SRCIN1: variants seen among roughly 807,000 people sequenced by gnomAD.
SRCIN1 encodes the protein P130Cas-associated protein.
A neutral mutation model predicts 116.2 loss-of-function variants in SRCIN1; 50 were observed. The ratio of observed to expected loss-of-function variants is 0.43; its 90% CI spans 0.34 to 0.54. SRCIN1 has a LOEUF of 0.54. Ranked by LOEUF, SRCIN1 falls within the 20% of genes least tolerant of loss-of-function variation. The pLI is 0.02. For missense variants in SRCIN1, 1,446 were observed against 1,672.0 expected (o/e 0.86, Z 2.36); for synonymous variants, 736 against 750.0 (o/e 0.98, Z 0.30).
At chr17:38,534,372 G>A (rs1485105364) in intron 18 of SRCIN1, among the ~76,000 whole-genome samples, 1 of 152,186 alleles carries the variant, frequency 6.6e-6, no homozygotes, top group Non-Finnish European at 1.5e-5. Context: ...TTTTAAGCAG[G>A]TGCCCCAGGT....
chr17:38,579,129 T>C (rs1474863277), intron 1 of SRCIN1, among the ~76,000 whole-genome samples: 1 of 152,206 alleles, frequency 6.6e-6, no homozygotes, highest in Admixed American at 6.5e-5. Context: ...GAAGGTATCC[T>C]GAGACCCTCT....
chr17:38,568,345 C>A lies in SRCIN1; in HGVS notation c.325-114G>T. On this transcript the variant is annotated intron_variant, in intron 2 of 18. Transcript: ENST00000617146. The surrounding 1 kb of genome is among the most constrained non-coding windows in gnomAD (Gnocchi z 4.5). ...CAGCACTCAGCCCTAGGACAAGGGC[C>A]CTCCACCCTCCCAGGAGCAGGAATG... The A allele has an allele frequency of 1.0e-6, 1 of 966,090 alleles. No homozygotes were observed. The allele number at this position is 966,090 out of a possible 1,614,324, so 59.8% of individuals were successfully genotyped here.
rs1432435885 is a variant in SRCIN1, at chr17:38,562,860, G to C, written c.801C>G (p.Phe267Leu). Residue 267 changes from phenylalanine to leucine, a missense_variant, in exon 6 of 19, where the codon TTC becomes TTG. By Grantham distance (22) the Phe-to-Leu change is conservative. Coordinates refer to ENST00000617146, the MANE Select transcript of SRCIN1 (RefSeq NM_025248.3). This position sits in a 1 kb window ranked among gnomAD's most constrained non-coding sequence, Gnocchi z 4.2. Reference sequence around the variant, plus strand: ...CCCCGTTGGTGAGATGTGAGCCAGGGAAGGCAGCGTAGAGGGGCTCCTTTC... The same window carrying C: ...CCCCGTTGGTGAGATGTGAGCCAGGCAAGGCAGCGTAGAGGGGCTCCTTTC... ...IYRKEPLYAA[F>L]PGSHLTNGDL... 2 of 1,613,724 alleles carry C rather than the reference G, an allele frequency of 1.2e-6. No homozygotes were observed. Among genetic ancestry groups the C allele is most frequent in the Non-Finnish European group, 1.7e-6 (2 of 1,179,832 alleles).
At chr17:38,589,067 G>A (rs1908299178) in intron 1 of SRCIN1, among the ~76,000 whole-genome samples, 1 of 152,180 alleles carries the variant, frequency 6.6e-6, no homozygotes, top group African/African-American at 2.4e-5. Context: ...TGTGCACCTC[G>A]GCATGCGCCT....
chr17:38,543,850 C>G lies in SRCIN1; in HGVS notation c.3390G>C (p.Glu1130Asp). Residue 1130 changes from glutamate (E) to aspartate (D), a missense_variant, in exon 18 of 19, where the codon GAG becomes GAC. This residue lies in a region of SRCIN1 where 531 missense variants were observed against 633.9 expected (regional missense o/e 0.84). Transcript: ENST00000617146. Reference protein sequence around the residue: ...DKSKHGKQRAEYMRIQAQQQA... With the variant: ...DKSKHGKQRADYMRIQAQQQA... ...GCTGCTGGGCCTGGATCCGCATGTA[C>G]TCGGCCCTCTGCTTGCCATGTTTGC... 6.2e-7 allele frequency: 1 copy of G among 1,607,842 alleles called. No homozygotes were observed. Among genetic ancestry groups the G allele is most frequent in the Non-Finnish European group, 8.5e-7 (1 of 1,179,728 alleles).
At chr17:38,588,719 G>C (rs1325708897) in intron 1 of SRCIN1, among the ~76,000 whole-genome samples, 3 of 152,196 alleles carry the variant, frequency 2.0e-5, no homozygotes, top group African/African-American at 7.2e-5. Flanking sequence ...TGTTTCCAGG[G>C]GAAGAGACTC....
intron 2 of SRCIN1, among the ~76,000 whole-genome samples, chr17:38,576,706 C>T (rs750410135): frequency 2.0e-5 from 3 of 152,060 alleles, no homozygotes; most frequent in Non-Finnish European, 4.4e-5. Context: ...TCCAACCCTC[C>T]TATTTCTCTC....
chr17:38,580,126 G>A (rs894976551), intron 1 of SRCIN1, among the ~76,000 whole-genome samples: 1 of 152,130 alleles, frequency 6.6e-6, no homozygotes, highest in African/African-American at 2.4e-5. Flanking sequence ...GGCTGGAAAC[G>A]CTGGAAACCA....
At chr17:38,554,863 G>A (rs1171152946) in intron 11 of SRCIN1, among the ~76,000 whole-genome samples, 1 of 152,186 alleles carries the variant, frequency 6.6e-6, no homozygotes, top group Non-Finnish European at 1.5e-5. Context: ...GCTCAATCCA[G>A]GGGCAAACAA....
upstream of SRCIN1, among the ~76,000 whole-genome samples, chr17:38,606,987 A>G (rs1909401251): frequency 6.6e-6 from 1 of 152,144 alleles, no homozygotes; most frequent in Admixed American, 6.5e-5. The surrounding 1 kb of genome is among the most constrained non-coding windows in gnomAD (Gnocchi z 5.2). Context: ...AAGAGAGTGG[A>G]CACAGTACTT....
At position 38,561,612 on chromosome 17, in the gene SRCIN1, G is replaced by A. The variant is rs768207450; in HGVS notation, c.1551C>T (p.Ser517=). 7 of 1,589,704 alleles carry A rather than the reference G, an allele frequency of 4.4e-6. No individual in the cohort carries two copies. Among genetic ancestry groups the A allele is most frequent in the African/African-American group, 2.7e-5 (2 of 72,930 alleles). Residue 517 remains serine (S), a synonymous_variant, in exon 7 of 19, where the codon TCC becomes TCT. Coordinates refer to ENST00000617146, the MANE Select transcript of SRCIN1 (RefSeq NM_025248.3). ...TCCCTCCAGGACTCTCGGCAAAGAC[G>A]GACGAGGAGCCCGAGTCCTTGCGGA... ...QSFRKDSGSS[S]VFAESPGGKT...
intron 1 of SRCIN1, among the ~76,000 whole-genome samples, chr17:38,596,863 G>A (rs748815825): frequency 6.6e-5 from 10 of 152,124 alleles, no homozygotes. Flanking sequence ...CCATGGCAGG[G>A]TCCCCTACAG....
intron 15 of SRCIN1, 84 bp from the exon 16 acceptor site, chr17:38,549,294 T>A: frequency 7.5e-7 from 1 of 1,336,730 alleles, no homozygotes; most frequent in Non-Finnish European, 9.8e-7. Context: ...GGATAAACCT[T>A]GCTTCTTCCT....
chr17:38,530,089 G>C lies in SRCIN1; in HGVS notation c.*3208C>G, dbSNP rs2040899184. ...AACACTTGGCTAGAAAAACTGAAAA[G>C]GAAAGAGAGCAGGGAGCGGGGGAGA... On this transcript the variant is annotated 3_prime_UTR_variant, in exon 19 of 19. Coordinates refer to ENST00000617146, the MANE Select transcript of SRCIN1 (RefSeq NM_025248.3). 1 of 152,244 alleles carries C rather than the reference G, an allele frequency of 6.6e-6. No homozygotes were observed. Among genetic ancestry groups the C allele is most frequent in the Non-Finnish European group, 1.5e-5 (1 of 68,058 alleles). 9.4% of individuals were successfully genotyped at this position (152,244 alleles called of 1,614,324 possible). A position where few individuals can be genotyped will look rare whatever the true frequency, so the allele number is the denominator to read the frequency against.
In SRCIN1 at chr17:38,558,179, A is replaced by G; in HGVS notation, c.2201+48T>C. 1 of 1,589,184 alleles carries G rather than the reference A, an allele frequency of 6.3e-7. No individual in the cohort carries two copies. Among genetic ancestry groups the G allele is most frequent in the Non-Finnish European group, 8.6e-7 (1 of 1,165,826 alleles). ...TCCCAGGGAAACCAGGTTGCGGGTC[A>G]CTCCAGCCGCACCCCCACCCCTCCC... On this transcript the variant is annotated intron_variant, in intron 11 of 18. Coordinates refer to ENST00000617146, the MANE Select transcript of SRCIN1 (RefSeq NM_025248.3). This position sits in a 1 kb window ranked among gnomAD's most constrained non-coding sequence, Gnocchi z 4.6.
In SRCIN1 at chr17:38,576,889, G is replaced by T. The variant is rs922415263; in HGVS notation, c.324+1601C>A. Among the ~76,000 whole-genome samples the T allele has an allele frequency of 2.0e-5, 3 of 151,422 alleles. No individual in the cohort carries two copies. The East Asian group carries it at 5.8e-4, about 29-fold the overall frequency. On this transcript the variant is annotated intron_variant, in intron 2 of 18. Coordinates refer to ENST00000617146, the MANE Select transcript of SRCIN1 (RefSeq NM_025248.3). The stretch of plus-strand genomic sequence containing the variant: ...TTCTCCTTCCCCTGCCTCCAGTCCC[G>T]CTTCTCCCCTCCTATTCACCATCCA...
intron 1 of SRCIN1, among the ~76,000 whole-genome samples, chr17:38,586,797 A>G (rs1254543283): frequency 1.3e-5 from 2 of 152,342 alleles, no homozygotes; most frequent in East Asian, 3.9e-4. Flanking sequence ...GTGCAGATTT[A>G]AAACCCACTG....
At chr17:38,533,781 G>T (rs2040960765) in intron 18 of SRCIN1, among the ~76,000 whole-genome samples, 1 of 142,718 alleles carries the variant, frequency 7.0e-6, no homozygotes, top group African/African-American at 2.6e-5. Flanking sequence ...CAGGGGAGGG[G>T]AGGAAGAAGT....
At chr17:38,535,211 T>TTC (rs1251396059) in intron 18 of SRCIN1, among the ~76,000 whole-genome samples, 17 of 139,788 alleles carry the variant, frequency 1.2e-4, no homozygotes, top group African/African-American at 4.7e-4. Flanking sequence ...TTTTCTTTCT[T>TTC]TTTTTTTTTT....
Sources: allele counts gnomAD v4.1 joint callset (sites outside exome capture counted in the v4.1 genomes callset), GRCh38; gene constraint gnomAD v4.1.1; regional missense constraint gnomAD v4.1.1; non-coding constraint Gnocchi (gnomAD v3.1); transcripts MANE v1.5; gene names NCBI Gene and HGNC (gene_info 2026-07-23, HGNC 2026-07-21).